Variants in MGAT4C observed in about 807,000 individuals in gnomAD.
MGAT4C encodes MGAT4 family member C.
Under a neutral mutation model 40.1 loss-of-function variants are expected in MGAT4C, and 19 were observed. The ratio of observed to expected loss-of-function variants is 0.47; its 90% confidence interval spans 0.33 to 0.70. MGAT4C has a LOEUF of 0.70. Among genes scored for constraint, MGAT4C ranks in the 30% least tolerant of loss-of-function variants. The pLI is 0.02. For missense variants in MGAT4C, 491 were observed against 563.2 expected (o/e 0.87, Z 1.30); for synonymous variants, 181 against 187.1 (o/e 0.97, Z 0.27).
chr12:86,515,707 T>A (rs1010164577), intron 2 of MGAT4C, among the ~76,000 whole-genome samples: 5 of 150,996 alleles, frequency 3.3e-5, no homozygotes, highest in African/African-American at 1.2e-4. Flanking sequence ...GTGGCAATAC[T>A]CCTAAATTGT....
chr12:86,473,968 T>C (rs1957793067), intron 2 of MGAT4C, among the ~76,000 whole-genome samples: 3 of 152,076 alleles, frequency 2.0e-5, no homozygotes, highest in Non-Finnish European at 4.4e-5. Context: ...CAAGATTGTG[T>C]CACAGATTTT....
intron 2 of MGAT4C, among the ~76,000 whole-genome samples, chr12:86,025,316 T>C (rs1890150312): frequency 6.6e-6 from 1 of 151,750 alleles, no homozygotes; most frequent in African/African-American, 2.4e-5. Context: ...ATGTTCAATC[T>C]TGTAATCTAT....
chr12:86,410,362 C>G (rs1422091940), intron 3 of MGAT4C, among the ~76,000 whole-genome samples: 1 of 152,118 alleles, frequency 6.6e-6, no homozygotes, highest in Non-Finnish European at 1.5e-5. Flanking sequence ...CCTAGGAATG[C>G]ATTCCTTCCG....
chr12:86,211,236 G>GGAATATGT, intron 1 of MGAT4C, among the ~76,000 whole-genome samples: 1 of 145,158 alleles, frequency 6.9e-6, no homozygotes, highest in African/African-American at 2.6e-5. Flanking sequence ...TGGACTGCAT[G>GGAATATGT]GCATATCCTA....
rs573091721 is a variant in MGAT4C at position 86,160,293 on chromosome 12, C to T, written c.-57+95946G>A. 4.6e-5 allele frequency among the ~76,000 whole-genome samples: 7 copies of T among 152,078 alleles called. No homozygotes were observed. The South Asian group carries it at 1.5e-3, about 32-fold the overall frequency. ...ATTTCTGCCTTAATTTCAATGTTTGCTCAGCAGTTATTTAGGAGCAAGCTG... is the reference window on the plus strand; with the variant it reads ...ATTTCTGCCTTAATTTCAATGTTTGTTCAGCAGTTATTTAGGAGCAAGCTG... On this transcript the variant is annotated intron_variant, in intron 1 of 4. Transcript: ENST00000611864.
intron 2 of MGAT4C, among the ~76,000 whole-genome samples, chr12:86,580,193 C>A (rs1398082005): frequency 6.6e-6 from 1 of 151,380 alleles, no homozygotes; most frequent in Non-Finnish European, 1.5e-5. Flanking sequence ...AGTGTAATTT[C>A]TATTAATCAG....
At chr12:86,615,323 C>G (rs1227815026) in intron 2 of MGAT4C, among the ~76,000 whole-genome samples, 1 of 151,974 alleles carries the variant, frequency 6.6e-6, no homozygotes, top group African/African-American at 2.4e-5. Flanking sequence ...AATATTAAAG[C>G]AGTTTACTGT....
At chr12:86,583,838 G>C (rs1960893300) in intron 2 of MGAT4C, among the ~76,000 whole-genome samples, 1 of 150,958 alleles carries the variant, frequency 6.6e-6, no homozygotes, top group Non-Finnish European at 1.5e-5. Flanking sequence ...TGTATCCCTA[G>C]AAAAAGAATC....
intron 1 of MGAT4C, among the ~76,000 whole-genome samples, chr12:86,773,759 A>C (rs1951679393): frequency 6.6e-6 from 1 of 151,792 alleles, no homozygotes; most frequent in African/African-American, 2.4e-5. Flanking sequence ...GTACACTTTT[A>C]ATTTTGAGCT....
At chr12:86,027,760 T>G (rs553939638) in intron 2 of MGAT4C, among the ~76,000 whole-genome samples, 4 of 152,104 alleles carry the variant, frequency 2.6e-5, no homozygotes, top group African/African-American at 9.6e-5. Flanking sequence ...AAGCTTTCAA[T>G]GCCCCATGGC....
rs1470907622 is a variant in MGAT4C, at chr12:85,980,276, A to C, written c.450T>G (p.Asp150Glu). Reference protein sequence around the residue: ...HLADFNSSWRDAMVQDITQKF... With the variant: ...HLADFNSSWREAMVQDITQKF... ...TCTGTGTAATATCCTGGACCATGGC[A>C]TCACGCCAGGAAGAATTAAAGTCTG... Residue 150 changes from aspartate (D) to glutamate (E), a missense_variant, in exon 5 of 5, where the codon GAT (aspartate) becomes GAG (glutamate). Transcript: ENST00000611864. 3 of 1,613,986 alleles carry C rather than the reference A, an allele frequency of 1.9e-6. No homozygotes were observed. The highest frequency in any genetic ancestry group is 1.1e-5 in the South Asian group (1 of 91,078).
At chr12:86,776,567 G>A (rs1036298139) in intron 1 of MGAT4C, among the ~76,000 whole-genome samples, 3 of 152,014 alleles carry the variant, frequency 2.0e-5, no homozygotes, top group Non-Finnish European at 2.9e-5. Flanking sequence ...ATCATTTAGA[G>A]CAATGTCTTT....
intron 1 of MGAT4C, among the ~76,000 whole-genome samples, chr12:86,135,550 A>T (rs1001775916): frequency 1.3e-5 from 2 of 152,182 alleles, no homozygotes; most frequent in Admixed American, 6.5e-5. Flanking sequence ...GGGGGGGCAG[A>T]CAAGATAAAC....
chr12:86,648,705 A>T (rs999524042), intron 2 of MGAT4C, among the ~76,000 whole-genome samples: 3 of 151,918 alleles, frequency 2.0e-5, no homozygotes, highest in African/African-American at 7.2e-5. Flanking sequence ...TTGCCGTTTA[A>T]GCCACCCAGT....
chr12:86,390,358 T>C (rs1033432681), intron 3 of MGAT4C, among the ~76,000 whole-genome samples: 2 of 152,218 alleles, frequency 1.3e-5, no homozygotes, highest in African/African-American at 4.8e-5. Flanking sequence ...TATTATCATA[T>C]TAAATTCATA....
intron 3 of MGAT4C, among the ~76,000 whole-genome samples, chr12:86,406,667 T>C (rs1021637562): frequency 2.0e-5 from 3 of 151,884 alleles, no homozygotes; most frequent in Admixed American, 1.3e-4. Flanking sequence ...TTGCTGGTAA[T>C]GTAAAATGGT....
chr12:86,007,048 C>T (rs181770341), intron 2 of MGAT4C, among the ~76,000 whole-genome samples: 92 of 152,142 alleles, frequency 6.0e-4, no homozygotes, highest in African/African-American at 2.0e-3. Flanking sequence ...TCATATAATT[C>T]CTCTAATAAT....
chr12:86,331,658 C>G (rs1166171259), intron 4 of MGAT4C, among the ~76,000 whole-genome samples: 4 of 152,176 alleles, frequency 2.6e-5, no homozygotes, highest in Admixed American at 2.6e-4. Context: ...ACTGCCTGAT[C>G]ATAACCTGAT....
chr12:86,483,740 T>TAATC (rs1957972082), intron 2 of MGAT4C, among the ~76,000 whole-genome samples: 1 of 149,584 alleles, frequency 6.7e-6, no homozygotes, highest in Admixed American at 6.7e-5. Flanking sequence ...AGCCTGTAAG[T>TAATC]CTCCTACTTG....
Sources: gnomAD v4.1 joint callset for allele counts (sites outside exome capture counted in the v4.1 genomes callset) on GRCh38, gnomAD v4.1.1 for gene constraint, MANE v1.5 for transcripts, NCBI Gene and HGNC (gene_info 2026-07-23, HGNC 2026-07-21) for gene names.